The following ACSL4 variants were observed in gnomAD, a reference collection of about 807,000 sequenced individuals.
ACSL4 encodes acyl-CoA synthetase long chain family member 4, also known as long-chain-fatty-acid--CoA ligase 4.
Under a neutral mutation model 49.1 loss-of-function variants are expected in ACSL4, and 9 were observed. The observed-to-expected ratio is 0.18, with a 90% CI of 0.11 to 0.32. ACSL4 has a LOEUF of 0.32. ACSL4 is among the 10% of genes least tolerant of loss of function. ACSL4 has a pLI of 1.00. For synonymous variants in ACSL4, 191 were observed against 170.3 expected (o/e 1.12, Z -0.95); for missense variants, 333 against 493.7 (o/e 0.67, Z 3.08).
At chrX:109,718,336 T>C (rs1927280091) in intron 1 of ACSL4, among the ~76,000 whole-genome samples, 1 of 112,481 alleles carries the variant, frequency 8.9e-6, no homozygotes, top group South Asian at 3.6e-4. Context: ...CATGAAAGTG[T>C]TATATAACAA....
chrX:109,661,056 G>A (rs1922135894), intron 14 of ACSL4, among the ~76,000 whole-genome samples: 1 of 111,303 alleles, frequency 9.0e-6, no homozygotes, highest in Non-Finnish European at 1.9e-5. Context: ...TTTAGAAATG[G>A]TTAAGATGGT....
At chrX:109,682,687 C>A in intron 4 of ACSL4, 32 bp downstream of exon 4, 1 of 1,205,923 alleles carries the variant, frequency 8.3e-7, no homozygotes, top group Non-Finnish European at 1.1e-6. Context: ...AAAGACCCTC[C>A]TCTCCCCCCT....
At chrX:109,676,381 C>T (rs1490901824) in intron 8 of ACSL4, among the ~76,000 whole-genome samples, 1 of 111,480 alleles carries the variant, frequency 9.0e-6, no homozygotes, top group Non-Finnish European at 1.9e-5. Flanking sequence ...TAAAGTATTA[C>T]AATTTCTAAC....
intron 15 of ACSL4, among the ~76,000 whole-genome samples, chrX:109,644,899 T>G (rs781161461): frequency 4.2e-4 from 47 of 113,067 alleles, no homozygotes; most frequent in Non-Finnish European, 6.8e-4. Context: ...TTCCCTTTCC[T>G]AGTCAAAGAA....
chrX:109,698,964 T>A (rs1236859336), intron 1 of ACSL4, among the ~76,000 whole-genome samples: 2 of 112,776 alleles, frequency 1.8e-5, no homozygotes, highest in Non-Finnish European at 3.7e-5. Context: ...TGATAGCATC[T>A]GTTGGAAATG....
At chrX:109,671,144 G>A (rs1923177449) in intron 9 of ACSL4, among the ~76,000 whole-genome samples, 1 of 107,793 alleles carries the variant, frequency 9.3e-6, no homozygotes, top group African/African-American at 3.4e-5. Flanking sequence ...AGTGAGGAGC[G>A]CCTCTTCCCG....
At chrX:109,666,027 C>T (rs1922606136) in intron 11 of ACSL4, among the ~76,000 whole-genome samples, 2 of 112,270 alleles carry the variant, frequency 1.8e-5, no homozygotes, top group African/African-American at 6.5e-5. Context: ...TGATGATATC[C>T]ATTTGCAATT....
intron 1 of ACSL4, among the ~76,000 whole-genome samples, chrX:109,701,576 C>A (rs1419449171): frequency 1.1e-5 from 1 of 92,187 alleles, no homozygotes; most frequent in Non-Finnish European, 2.1e-5. Context: ...GATGGAGTCT[C>A]GCTCTGTCGC....
chrX:109,654,695 T>C (rs1921475597), intron 15 of ACSL4, among the ~76,000 whole-genome samples: 1 of 112,082 alleles, frequency 8.9e-6, no homozygotes, highest in Non-Finnish European at 1.9e-5. Context: ...GCCCTCATAG[T>C]AGAGCCCGGG....
chrX:109,719,357 T>C (rs1927373278), intron 1 of ACSL4, among the ~76,000 whole-genome samples: 1 of 111,018 alleles, frequency 9.0e-6, no homozygotes, highest in Non-Finnish European at 1.9e-5. Flanking sequence ...TATGTAGAAG[T>C]TGTTATGCCT....
chrX:109,720,353 A>G (rs1927453103), intron 1 of ACSL4, among the ~76,000 whole-genome samples: 1 of 110,680 alleles, frequency 9.0e-6, no homozygotes, highest in Non-Finnish European at 1.9e-5. Context: ...TCCTACAAAC[A>G]TTTAAATACT....
At chrX:109,649,422 G>A (rs1934909078) in intron 15 of ACSL4, among the ~76,000 whole-genome samples, 1 of 111,537 alleles carries the variant, frequency 9.0e-6, no homozygotes, top group Non-Finnish European at 1.9e-5. Flanking sequence ...ACAAGCAATG[G>A]GGAAAGGATT....
intron 2 of ACSL4, among the ~76,000 whole-genome samples, chrX:109,688,700 C>T (rs964063136): frequency 1.8e-5 from 2 of 111,697 alleles, no homozygotes; most frequent in African/African-American, 6.5e-5. Context: ...TCTCTTCTTC[C>T]TTGACCCACT....
At chrX:109,660,230 C>T (rs1454640134) in intron 14 of ACSL4, among the ~76,000 whole-genome samples, 3 of 111,111 alleles carry the variant, frequency 2.7e-5, no homozygotes, top group Non-Finnish European at 5.7e-5. Context: ...ATAATTTCCA[C>T]AACTCAGTAA....
chrX:109,653,633 T>G (rs1258134616), intron 15 of ACSL4, among the ~76,000 whole-genome samples: 8 of 110,172 alleles, frequency 7.3e-5, no homozygotes, highest in East Asian at 2.8e-4. Context: ...CCATAAAAAA[T>G]GATGAGTTCA....
intron 9 of ACSL4, among the ~76,000 whole-genome samples, chrX:109,670,142 A>T (rs1923052636): frequency 8.9e-6 from 1 of 112,717 alleles, no homozygotes; most frequent in Non-Finnish European, 1.9e-5. Flanking sequence ...TACATAAAGC[A>T]CATCTGTTTA....
rs1041531653 is a variant in ACSL4 at position 109,642,080 on chromosome X, T to A, written c.*1949A>T. 23 of 111,903 alleles carry A rather than the reference T, an allele frequency of 2.1e-4. No individual in the cohort carries two copies. The highest frequency in any genetic ancestry group is 7.2e-4 in the African/African-American group (22 of 30,704). The allele number at this position is 111,903 out of a possible 1,213,427, so 9.2% of individuals were successfully genotyped here. ...CACCCAACCTTAAGTGTTAATTATG[T>A]GTTTCTAAAGGACCTATAACAGATC... On this transcript the variant is annotated 3_prime_UTR_variant, in exon 16 of 16. Coordinates refer to ENST00000672401, the MANE Select transcript of ACSL4 (RefSeq NM_001318510.2).
intron 9 of ACSL4, among the ~76,000 whole-genome samples, chrX:109,673,657 C>T (rs1347060923): frequency 1.8e-5 from 2 of 112,033 alleles, no homozygotes; most frequent in Non-Finnish European, 1.9e-5. Flanking sequence ...TTGGACTGAA[C>T]ACTTTCTTAT....
intron 1 of ACSL4, among the ~76,000 whole-genome samples, chrX:109,698,397 A>G (rs1925614782): frequency 8.9e-6 from 1 of 112,097 alleles, no homozygotes; most frequent in African/African-American, 3.2e-5. Context: ...ATAATTTAAT[A>G]TAAAAAACTA....
Sources: allele counts gnomAD v4.1 joint callset (sites outside exome capture counted in the v4.1 genomes callset), GRCh38; gene constraint gnomAD v4.1.1; transcripts MANE v1.5; gene names NCBI Gene and HGNC (gene_info 2026-07-23, HGNC 2026-07-21).